Variants in ZGLP1 observed in about 807,000 individuals in gnomAD.
ZGLP1 encodes the protein GATA-type zinc finger protein 1.
ZGLP1 carries 11 observed loss-of-function variants against 21.4 expected under a neutral mutation model. The ratio of observed to expected loss-of-function variants is 0.51; its 90% CI spans 0.32 to 0.85. The LOEUF is 0.85. Ranked by LOEUF, ZGLP1 falls within the 40% of genes least tolerant of loss-of-function variation. ZGLP1 has a pLI of 0.03. For synonymous variants in ZGLP1, 148 were observed against 145.0 expected (o/e 1.02, Z -0.15); for missense variants, 295 against 355.6 (o/e 0.83, Z 1.37).
At chr19:10,308,642 C>T in exon 1 of ZGLP1, 1 of 1,518,842 alleles carries the variant, frequency 6.6e-7, no homozygotes, top group Non-Finnish European at 8.8e-7. Context: ...TCTTTGTGTA[C>T]CCTTGGACAG....
chr19:10,305,474 C>T lies in ZGLP1; in HGVS notation c.614G>A (p.Arg205His), dbSNP rs1270023692. 8 of 1,594,878 alleles carry T rather than the reference C, an allele frequency of 5.0e-6. No individual in the cohort carries two copies. Among genetic ancestry groups the T allele is most frequent in the South Asian group, 1.1e-5 (1 of 87,978 alleles). The change falls in exon 3 of 4, where the codon CGC becomes CAC. Residue 205 changes from arginine (R) to histidine (H), a missense_variant. Transcript: ENST00000403903. The surrounding 1 kb of genome is among the most constrained non-coding windows in gnomAD (Gnocchi z 4.7). ...CCTCTGGGTCCGACAGGAAGCACAG[C>T]GCCGGGGCTCTGAAGGGTCAGAGGT... is the stretch of plus-strand genomic sequence containing the variant.
At chr19:10,306,632 A>C (rs1049820201) in intron 1 of ZGLP1, among the ~76,000 whole-genome samples, 9 of 151,922 alleles carry the variant, frequency 5.9e-5, no homozygotes, top group African/African-American at 2.2e-4. Flanking sequence ...AGTCTGGGCA[A>C]TATAGGGAGA....
chr19:10,304,943 G>C lies in ZGLP1; in HGVS notation c.*148C>G, dbSNP rs1015219644. ...AGCAGGCTCTGCCACCTGAGGCCTG[G>C]GTCTTCCCCCGGGATCCTTGAATCT... On this transcript the variant is annotated 3_prime_UTR_variant, in exon 4 of 4. Coordinates refer to ENST00000403903, the Ensembl canonical transcript of ZGLP1. 3.7e-5 allele frequency: 25 copies of C among 667,734 alleles called. No individual in the cohort carries two copies. The Admixed American group carries it at 7.3e-4, about 19-fold the overall frequency. The allele number at this position is 667,734 out of a possible 1,614,324, so 41.4% of individuals were successfully genotyped here.
chr19:10,305,601 C>A lies in ZGLP1; in HGVS notation c.605-118G>T. ...GTAAAGGCCCCACCTAGCTCTGGAT[C>A]AGCCCTGGGAGTTGCCAGCTCTAAG... On this transcript the variant is annotated intron_variant, in intron 2 of 3. Transcript: ENST00000403903. This position sits in a 1 kb window ranked among gnomAD's most constrained non-coding sequence, Gnocchi z 4.7. 1.1e-6 allele frequency: 1 copy of A among 923,738 alleles called. No homozygotes were observed. The highest frequency in any genetic ancestry group is 2.6e-5 in the East Asian group (1 of 38,000). The allele number at this position is 923,738 out of a possible 1,614,324, so 57.2% of individuals were successfully genotyped here.
In ZGLP1 at chr19:10,305,042, A is replaced by AC. The variant is rs751958952; in HGVS notation, c.*48dup. 1 of 1,415,802 alleles carries AC rather than the reference A, an allele frequency of 7.1e-7. No homozygotes were observed. Among genetic ancestry groups the AC allele is most frequent in the South Asian group, 1.2e-5 (1 of 86,408 alleles). 87.7% of individuals were successfully genotyped at this position (1,415,802 alleles called of 1,614,324 possible). A position where few individuals can be genotyped will look rare whatever the true frequency, so the allele number is the denominator to read the frequency against. ...GAGAGCTGCTTCTGCCCATTCTCCC[A>AC]CTGGTGAAACGGAGGCAGAAGCAGC... On this transcript the variant is annotated 3_prime_UTR_variant, in exon 4 of 4. Coordinates refer to ENST00000403903, the Ensembl canonical transcript of ZGLP1. The surrounding 1 kb of genome is among the most constrained non-coding windows in gnomAD (Gnocchi z 4.7).
chr19:10,305,793 G>A lies in ZGLP1; in HGVS notation c.604+53C>T. ...GGGGGGCAGGGAGAAAGGCAGGGAA[G>A]ACAGGAAATTGGCCCCCAAAATATT... is the stretch of plus-strand genomic sequence containing the variant. On this transcript the variant is annotated intron_variant, in intron 2 of 3. Transcript: ENST00000403903. This position sits in a 1 kb window ranked among gnomAD's most constrained non-coding sequence, Gnocchi z 4.7. 3 of 1,387,538 alleles carry A rather than the reference G, an allele frequency of 2.2e-6. No individual in the cohort carries two copies. Among genetic ancestry groups the A allele is most frequent in the South Asian group, 2.5e-5 (2 of 80,752 alleles). The allele number at this position is 1,387,538 out of a possible 1,614,324, so 86.0% of individuals were successfully genotyped here. A position where few individuals can be genotyped will look rare whatever the true frequency, so the allele number is the denominator to read the frequency against.
intron 1 of ZGLP1, 85 bp from the exon 3 acceptor site, chr19:10,306,037 G>T (rs746571678): frequency 1.6e-5 from 16 of 993,220 alleles, no homozygotes; most frequent in African/African-American, 1.6e-5. Flanking sequence ...TAGTATCAAG[G>T]TATCAGCCAT....
At chr19:10,309,025 G>A (rs2040297055) in exon 1 of ZGLP1, 1 of 206,896 alleles carries the variant, frequency 4.8e-6, no homozygotes, top group African/African-American at 2.3e-5. Context: ...GGGACTTACA[G>A]GCACGCGCCA....
At chr19:10,308,632 T>A in exon 1 of ZGLP1, 1 of 1,528,700 alleles carries the variant, frequency 6.5e-7, no homozygotes, top group South Asian at 1.3e-5. Context: ...TTGGGCCGGC[T>A]CTTTGTGTAC....
At position 10,305,728 on chromosome 19, in the gene ZGLP1, C is replaced by T; in HGVS notation, c.604+118G>A. The T allele has an allele frequency of 1.1e-6, 1 of 886,336 alleles. No homozygotes were observed. The highest frequency in any genetic ancestry group is 1.8e-6 in the Non-Finnish European group (1 of 552,450). 54.9% of individuals were successfully genotyped at this position (886,336 alleles called of 1,614,324 possible). ...CAAGTGGAGGGGGGTGCTGCGACTC[C>T]TCCCTGAGGGCTCTAAATGGGGAAG... On this transcript the variant is annotated intron_variant, in intron 2 of 3. Coordinates refer to ENST00000403903, the Ensembl canonical transcript of ZGLP1. This position sits in a 1 kb window ranked among gnomAD's most constrained non-coding sequence, Gnocchi z 4.7.
Position 10,305,692 on chromosome 19 carries a change from G to C in ZGLP1, c.604+154C>G, listed in dbSNP as rs553712839. 1 of 750,156 alleles carries C rather than the reference G, an allele frequency of 1.3e-6. No individual in the cohort carries two copies. Among genetic ancestry groups the C allele is most frequent in the South Asian group, 1.6e-5 (1 of 61,492 alleles). 46.5% of individuals were successfully genotyped at this position (750,156 alleles called of 1,614,324 possible). ...GCAGAGGAGGAAGCTGGGGGTGGGG[G>C]TGACTCAGCCCAAGTGGAGGGGGGT... is the stretch of plus-strand genomic sequence containing the variant. On this transcript the variant is annotated intron_variant, in intron 2 of 3. Coordinates refer to ENST00000403903, the Ensembl canonical transcript of ZGLP1. This position sits in a 1 kb window ranked among gnomAD's most constrained non-coding sequence, Gnocchi z 4.7.
At chr19:10,308,978 C>G in exon 1 of ZGLP1, 1 of 256,878 alleles carries the variant, frequency 3.9e-6, no homozygotes, top group East Asian at 6.8e-5. Flanking sequence ...AACTCCTGGG[C>G]TCGACCGATC....
intron 1 of ZGLP1, among the ~76,000 whole-genome samples, chr19:10,306,402 C>G (rs532526952): frequency 1.3e-5 from 2 of 152,032 alleles, no homozygotes; most frequent in South Asian, 2.1e-4. Flanking sequence ...CATGAGCTAC[C>G]GTGCCCGACC....
rs755518427 is a variant in ZGLP1 at position 10,305,246 on chromosome 19, A to G, written c.699-38T>C. 1.9e-6 allele frequency: 3 copies of G among 1,598,520 alleles called. No homozygotes were observed. Among genetic ancestry groups the G allele is most frequent in the African/African-American group, 1.3e-5 (1 of 74,760 alleles). On this transcript the variant is annotated intron_variant, in intron 3 of 3. Transcript: ENST00000403903. The surrounding 1 kb of genome is among the most constrained non-coding windows in gnomAD (Gnocchi z 4.7). ...GACAAGAAACTGCCATTTAGGATGC[A>G]GTGGGGGCCCGGAAACCGCCACAAG...
chr19:10,308,722 C>T, exon 1 of ZGLP1: 2 of 1,448,564 alleles, frequency 1.4e-6, no homozygotes, highest in Non-Finnish European at 1.8e-6. Context: ...GCAGTAATTG[C>T]AACTCACCTC....
At chr19:10,308,262 C>T (rs1389108847) in exon 1 of ZGLP1, 2 of 1,600,010 alleles carry the variant, frequency 1.2e-6, no homozygotes, top group Non-Finnish European at 1.7e-6. Context: ...ACCCAGGGTC[C>T]ACTCTCTCGG....
In ZGLP1 at chr19:10,305,421, C is replaced by A; in HGVS notation, c.667G>T (p.Gly223Trp). Residue 223 changes from glycine to tryptophan, a missense_variant, in exon 3 of 4, where the codon GGG (glycine) becomes TGG (tryptophan). This residue lies in a region of ZGLP1 where 43 missense variants were observed against 91.7 expected (regional missense o/e 0.47). Transcript: ENST00000403903. The surrounding 1 kb of genome is among the most constrained non-coding windows in gnomAD (Gnocchi z 4.7). ...CCACAGGCGTTGCAGAGAGGGGTCCCATCTTCAGCGTCTCTCCAGAGCGGG... is the reference window on the plus strand; with the variant it reads ...CCACAGGCGTTGCAGAGAGGGGTCCAATCTTCAGCGTCTCTCCAGAGCGGG... The A allele has an allele frequency of 1.2e-6, 2 of 1,600,200 alleles. No individual in the cohort carries two copies. The highest frequency in any genetic ancestry group is 2.3e-5 in the East Asian group (1 of 44,288).
intron 1 of ZGLP1, among the ~76,000 whole-genome samples, chr19:10,306,904 C>T (rs1421213546): frequency 2.0e-5 from 3 of 152,116 alleles, no homozygotes; most frequent in Non-Finnish European, 2.9e-5. Flanking sequence ...GAGGGCAAGG[C>T]AGATGGATCA....
At chr19:10,307,579 A>G (rs917200404) in intron 1 of ZGLP1, among the ~76,000 whole-genome samples, 3 of 146,508 alleles carry the variant, frequency 2.0e-5, no homozygotes, top group African/African-American at 7.6e-5. Flanking sequence ...AGGTGGCGCT[A>G]TCTCTGCTTA....
Sources: allele counts gnomAD v4.1 joint callset (sites outside exome capture counted in the v4.1 genomes callset), GRCh38; gene constraint gnomAD v4.1.1; regional missense constraint gnomAD v4.1.1; non-coding constraint Gnocchi (gnomAD v3.1); transcripts MANE v1.5; gene names NCBI Gene and HGNC (gene_info 2026-07-23, HGNC 2026-07-21).